The following SNRPN variants were observed in gnomAD, a reference collection of about 807,000 sequenced individuals.
SNRPN encodes small nuclear ribonucleoprotein-associated protein N.
Under a neutral mutation model 25.2 loss-of-function variants are expected in SNRPN, and 7 were observed. The observed-to-expected ratio is 0.28, with a 90% CI of 0.16 to 0.52. The LOEUF (loss-of-function observed/expected upper bound fraction) is 0.52, where lower values mean the gene tolerates loss of function less well. Among genes scored for constraint, SNRPN ranks in the 20% least tolerant of loss-of-function variants. The pLI is 0.96. For missense variants in SNRPN, 196 were observed against 322.5 expected, an observed-to-expected ratio of 0.61 and a Z score of 3.00; for synonymous variants, 124 against 110.6, an observed-to-expected ratio of 1.12 and a Z score of -0.76.
intron 3 of SNRPN, among the ~76,000 whole-genome samples, chr15:24,947,693 T>A (rs2061967652): frequency 6.6e-6 from 1 of 152,210 alleles, no homozygotes; most frequent in Non-Finnish European, 1.5e-5. Flanking sequence ...CATACAGTTG[T>A]ATTTGTTTTA....
intron 1 of SNRPN, among the ~76,000 whole-genome samples, chr15:24,878,408 G>A (rs1229979493): frequency 6.6e-6 from 1 of 152,178 alleles, no homozygotes; most frequent in Non-Finnish European, 1.5e-5. Flanking sequence ...AGCCCGCAGG[G>A]GCCGATCTTC....
chr15:24,970,494 T>C (rs1228514406), intron 3 of SNRPN, among the ~76,000 whole-genome samples: 1 of 152,036 alleles, frequency 6.6e-6, no homozygotes, highest in Non-Finnish European at 1.5e-5. Flanking sequence ...CAGGAGAATT[T>C]CTTGAACCCT....
intron 2 of SNRPN, among the ~76,000 whole-genome samples, chr15:24,834,773 A>ATATATATATATATATATATAG (rs2050900310): frequency 7.8e-6 from 1 of 127,520 alleles, no homozygotes; most frequent in Non-Finnish European, 1.7e-5. Context: ...ATATATATAT[A>ATATATATATATATATATATAG]TATATAGCCA....
chr15:24,941,737 G>C (rs2061568086), intron 3 of SNRPN, among the ~76,000 whole-genome samples: 1 of 152,106 alleles, frequency 6.6e-6, no homozygotes, highest in Non-Finnish European at 1.5e-5. Flanking sequence ...GGCATGAGGA[G>C]CCTAAAAGGG....
At chr15:24,871,181 A>G (rs534448678) in intron 1 of SNRPN, among the ~76,000 whole-genome samples, 23 of 152,002 alleles carry the variant, frequency 1.5e-4, no homozygotes, top group African/African-American at 5.1e-4. Flanking sequence ...GTGAGCCACC[A>G]TGCCTGGCTT....
At chr15:24,940,685 T>G (rs1272387713) in intron 3 of SNRPN, among the ~76,000 whole-genome samples, 1 of 152,224 alleles carries the variant, frequency 6.6e-6, no homozygotes, top group African/African-American at 2.4e-5. Context: ...CCAGGAGTTC[T>G]GACAACTTTG....
At chr15:24,831,998 C>T (rs943011937) in intron 2 of SNRPN, among the ~76,000 whole-genome samples, 1 of 151,590 alleles carries the variant, frequency 6.6e-6, no homozygotes, top group East Asian at 1.9e-4. Context: ...GATTTTATTA[C>T]CTTTGGATAT....
intron 1 of SNRPN, among the ~76,000 whole-genome samples, chr15:24,880,636 C>T (rs1446608737): frequency 1.3e-5 from 2 of 151,988 alleles, no homozygotes; most frequent in Non-Finnish European, 2.9e-5. Context: ...CTAATGGGAG[C>T]CTGATGAATT....
chr15:24,866,018 G>T (rs1449656443), intron 1 of SNRPN, among the ~76,000 whole-genome samples: 1 of 152,042 alleles, frequency 6.6e-6, no homozygotes, highest in African/African-American at 2.4e-5. Context: ...TGTTTTAACG[G>T]TTTCTGCCTC....
intron 2 of SNRPN, among the ~76,000 whole-genome samples, chr15:24,964,201 C>T (rs533160884): frequency 2.0e-5 from 3 of 151,224 alleles, no homozygotes; most frequent in South Asian, 2.1e-4. Flanking sequence ...ATTTTATGTA[C>T]GTTTTGTTTG....
At chr15:24,837,219 G>C (rs1306112964) in intron 2 of SNRPN, among the ~76,000 whole-genome samples, 1 of 151,954 alleles carries the variant, frequency 6.6e-6, no homozygotes, top group African/African-American at 2.4e-5. Context: ...TGAACTCCTT[G>C]TACAGCTGTG....
At chr15:24,852,751 G>A (rs1026371162), upstream of SNRPN, among the ~76,000 whole-genome samples, 1 of 151,942 alleles carries the variant, frequency 6.6e-6, no homozygotes, top group East Asian at 1.9e-4. Flanking sequence ...ATGGCAGAAC[G>A]CTGTTTCTAA....
upstream of SNRPN, among the ~76,000 whole-genome samples, chr15:24,952,030 C>T (rs112108279): frequency 5.7e-4 from 87 of 151,948 alleles, no homozygotes; most frequent in African/African-American, 1.9e-3. Flanking sequence ...CAAGGTTACA[C>T]GGATTTATAT....
At chr15:24,898,580 T>G (rs534536087) in intron 2 of SNRPN, among the ~76,000 whole-genome samples, 237 of 148,870 alleles carry the variant, frequency 1.6e-3, no homozygotes, top group Middle Eastern at 0.011. Flanking sequence ...GAGTGAGATC[T>G]GTCTAAAAAA....
intron 2 of SNRPN, among the ~76,000 whole-genome samples, chr15:24,898,034 A>G (rs1455796059): frequency 6.6e-6 from 1 of 152,188 alleles, no homozygotes; most frequent in Non-Finnish European, 1.5e-5. Context: ...AATAGGCACT[A>G]CAAGAGCATT....
intron 2 of SNRPN, 60 bp from the exon 3 acceptor site, chr15:24,967,872 T>G: frequency 1.4e-6 from 2 of 1,424,452 alleles, no homozygotes; most frequent in Non-Finnish European, 2.0e-6. Flanking sequence ...TTCTTTCATA[T>G]GGTTTCCTAT....
At chr15:24,837,442 C>T (rs1183962527) in intron 2 of SNRPN, among the ~76,000 whole-genome samples, 3 of 150,974 alleles carry the variant, frequency 2.0e-5, no homozygotes, top group Non-Finnish European at 4.4e-5. Context: ...GATCTTGGCT[C>T]ACTGCAAGCT....
At chr15:24,834,396 A>G (rs1392185706) in intron 2 of SNRPN, among the ~76,000 whole-genome samples, 2 of 152,084 alleles carry the variant, frequency 1.3e-5, no homozygotes, top group Non-Finnish European at 2.9e-5. Flanking sequence ...TCTTTGGTAT[A>G]TCTGAGCCCC....
chr15:24,850,727 A>T (rs1461461328), intron 2 of SNRPN: 1 of 152,210 alleles, frequency 6.6e-6, no homozygotes, highest in Non-Finnish European at 1.5e-5. Context: ...AGCCTGGTCT[A>T]TGTGTTCATC....
Sources: allele counts gnomAD v4.1 joint callset (sites outside exome capture counted in the v4.1 genomes callset), GRCh38; gene constraint gnomAD v4.1.1; transcripts MANE v1.5; gene names NCBI Gene and HGNC (gene_info 2026-07-23, HGNC 2026-07-21).